Variants in NAV2 observed in about 807,000 individuals in gnomAD.
NAV2 encodes neuron navigator 2, also known as helicase, APC down-regulated 1.
A neutral mutation model predicts 223.2 loss-of-function variants in NAV2; 54 were observed. The ratio of observed to expected loss-of-function variants is 0.24; its 90% CI spans 0.19 to 0.30. The LOEUF (loss-of-function observed/expected upper bound fraction) is 0.30. Ranked by LOEUF, NAV2 falls within the 10% of genes least tolerant of loss-of-function variation. The pLI, the probability that NAV2 is intolerant of heterozygous loss-of-function variation, is 1.00. For missense variants in NAV2, 2,806 were observed against 3,147.5 expected, an observed-to-expected ratio of 0.89 and a Z score of 2.60; for synonymous variants, 1,279 against 1,239.3, an observed-to-expected ratio of 1.03 and a Z score of -0.67.
chr11:19,798,776 G>A (rs1448526617), intron 1 of NAV2, among the ~76,000 whole-genome samples: 3 of 152,198 alleles, frequency 2.0e-5, no homozygotes, highest in African/African-American at 7.2e-5. Flanking sequence ...CTTGCCTGGT[G>A]TTACCAAGTG....
At chr11:19,579,222 T>G (rs188119025) in intron 1 of NAV2, among the ~76,000 whole-genome samples, 5 of 152,362 alleles carry the variant, frequency 3.3e-5, no homozygotes, top group African/African-American at 1.2e-4. Context: ...AAGCCTCAGC[T>G]GTCTCAATTG....
intron 6 of NAV2, among the ~76,000 whole-genome samples, chr11:19,900,621 T>C (rs1312621708): frequency 2.0e-5 from 3 of 152,120 alleles, no homozygotes; most frequent in Non-Finnish European, 4.4e-5. Context: ...AGGGAGTATG[T>C]AACAGCCCCA....
intron 11 of NAV2, among the ~76,000 whole-genome samples, chr11:20,022,015 C>T (rs2054555415): frequency 6.6e-6 from 1 of 152,216 alleles, no homozygotes; most frequent in Non-Finnish European, 1.5e-5. Context: ...GGGCCACAAC[C>T]CCCGCTCCCT....
chr11:19,686,241 C>G (rs1381762326), intron 1 of NAV2, among the ~76,000 whole-genome samples: 12 of 152,178 alleles, frequency 7.9e-5, no homozygotes, highest in Admixed American at 7.9e-4. Context: ...AGTTGGGTCC[C>G]CTGTGATATG....
chr11:19,549,626 C>G (rs768508939), intron 1 of NAV2, among the ~76,000 whole-genome samples: 4 of 152,220 alleles, frequency 2.6e-5, no homozygotes, highest in Non-Finnish European at 1.5e-5. Flanking sequence ...CTCAAAAGGA[C>G]CCCAGCTCAG....
At chr11:19,789,512 G>A (rs1368768962) in intron 1 of NAV2, among the ~76,000 whole-genome samples, 9 of 152,160 alleles carry the variant, frequency 5.9e-5, no homozygotes, top group Admixed American at 2.6e-4. Context: ...CATACTGCAT[G>A]GCCCATAGTA....
chr11:19,800,673 GT>G (rs1464792502), intron 1 of NAV2, among the ~76,000 whole-genome samples: 6 of 38,876 alleles, frequency 1.5e-4, no homozygotes, highest in African/African-American at 2.3e-4. Flanking sequence ...AGGAGAATGG[GT>G]GTGTGTGTGT....
Position 20,119,857 on chromosome 11 carries a change from G to A in NAV2, c.*1599G>A, listed in dbSNP as rs1323216695. ...AGATCCATTTTTTAGGTTCTTTTCG[G>A]TCTCCAGCTGACAACCCAACTGGAC... is the stretch of plus-strand genomic sequence containing the variant. On this transcript the variant is annotated 3_prime_UTR_variant, in exon 38 of 38. Transcript: ENST00000349880. 2 of 152,266 alleles carry A rather than the reference G, an allele frequency of 1.3e-5. No individual in the cohort carries two copies. Among genetic ancestry groups the A allele is most frequent in the Non-Finnish European group, 2.9e-5 (2 of 68,010 alleles). 9.4% of individuals were successfully genotyped at this position (152,266 alleles called of 1,614,324 possible). A position where few individuals can be genotyped will look rare whatever the true frequency, so the allele number is the denominator to read the frequency against.
At chr11:19,378,963 G>A in intron 1 of NAV2, among the ~76,000 whole-genome samples, 1 of 152,212 alleles carries the variant, frequency 6.6e-6, no homozygotes, top group Non-Finnish European at 1.5e-5. Flanking sequence ...CTGAGTTCAA[G>A]CCCTGGCTTC....
chr11:19,753,550 C>A (rs2054006033), intron 1 of NAV2, among the ~76,000 whole-genome samples: 2 of 152,190 alleles, frequency 1.3e-5, no homozygotes, highest in South Asian at 4.1e-4. Context: ...GTTGCAGTAA[C>A]CTCCAGGCTA....
intron 5 of NAV2, among the ~76,000 whole-genome samples, chr11:19,890,335 T>C (rs944409422): frequency 1.3e-5 from 2 of 152,218 alleles, no homozygotes; most frequent in African/African-American, 4.8e-5. Flanking sequence ...ATCCTATGCT[T>C]TGATTGCTTG....
rs77376447 is a variant in NAV2 at position 19,748,000 on chromosome 11, C to A, written c.267+34038C>A. ...GCCCAGGAAACCCTGAGCACATGGG[C>A]AGTTGAGCATGGCATTAGTGGGATA... On this transcript the variant is annotated intron_variant, in intron 1 of 37. Coordinates refer to ENST00000349880, the MANE Select transcript of NAV2 (RefSeq NM_145117.5). 4.0e-3 allele frequency among the ~76,000 whole-genome samples: 602 copies of A among 152,266 alleles called. 4 individuals are homozygous for A. The highest frequency in any genetic ancestry group is 0.014 in the African/African-American group (576 of 41,546).
intron 1 of NAV2, chr11:19,351,136 G>C: frequency 8.9e-7 from 1 of 1,126,340 alleles, no homozygotes; most frequent in South Asian, 1.4e-5. Flanking sequence ...CTTTCTCTCC[G>C]GAAGGAGGTA....
At chr11:20,102,051 A>G (rs2061677506) in intron 32 of NAV2, among the ~76,000 whole-genome samples, 1 of 152,146 alleles carries the variant, frequency 6.6e-6, no homozygotes, top group South Asian at 2.1e-4. Flanking sequence ...ACCATCTACA[A>G]GTTCCCCAAG....
chr11:19,852,661 A>G (rs1269699944), intron 3 of NAV2, among the ~76,000 whole-genome samples: 3 of 152,238 alleles, frequency 2.0e-5, no homozygotes, highest in African/African-American at 7.2e-5. Context: ...TTAGGAATTT[A>G]CCATATTTTA....
At chr11:19,498,975 C>T (rs927750283) in intron 1 of NAV2, among the ~76,000 whole-genome samples, 2 of 152,230 alleles carry the variant, frequency 1.3e-5, no homozygotes, top group Non-Finnish European at 2.9e-5. Context: ...TTAAACTTCT[C>T]ACCATGTTCC....
chr11:19,680,136 G>A (rs1029073671), intron 1 of NAV2, among the ~76,000 whole-genome samples: 1 of 152,190 alleles, frequency 6.6e-6, no homozygotes, highest in African/African-American at 2.4e-5. Context: ...AGGCTTGGGG[G>A]TTTGGATGTT....
intron 1 of NAV2, among the ~76,000 whole-genome samples, chr11:19,586,672 C>T (rs192205311): frequency 6.6e-6 from 1 of 152,354 alleles, no homozygotes; most frequent in Non-Finnish European, 1.5e-5. Flanking sequence ...TGGGTATCAG[C>T]AGCAGAGGCT....
At chr11:19,746,711 C>T (rs967199664) in intron 1 of NAV2, among the ~76,000 whole-genome samples, 6 of 151,982 alleles carry the variant, frequency 3.9e-5, no homozygotes, top group Admixed American at 2.0e-4. Context: ...CTTTTTGAAT[C>T]TTGCTCTCAT....
Sources: allele counts gnomAD v4.1 joint callset (sites outside exome capture counted in the v4.1 genomes callset), GRCh38; gene constraint gnomAD v4.1.1; transcripts MANE v1.5; gene names NCBI Gene and HGNC (gene_info 2026-07-23, HGNC 2026-07-21).